The following POLN variants were observed in gnomAD, a reference collection of about 807,000 sequenced individuals.
POLN encodes the protein DNA polymerase N.
Under a neutral mutation model 113.5 loss-of-function variants are expected in POLN, and 108 were observed. The observed-to-expected ratio is 0.95, with a 90% confidence interval of 0.81 to 1.12. The LOEUF is 1.12. Ranked by LOEUF, POLN falls within the 50% of genes most tolerant of loss-of-function variation. The pLI is 0.00. For synonymous variants in POLN, 386 were observed against 391.5 expected, an observed-to-expected ratio of 0.99 and a Z score of 0.17; for missense variants, 1,097 against 1,077.1, an observed-to-expected ratio of 1.02 and a Z score of -0.26.
chr4:2,230,691 C>T (rs912125047), intron 2 of POLN: 1 of 151,900 alleles, frequency 6.6e-6, no homozygotes, highest in East Asian at 1.9e-4. Context: ...ATAAAGACCA[C>T]CCAAAACATG....
intron 7 of POLN, among the ~76,000 whole-genome samples, chr4:2,189,184 T>G (rs926206964): frequency 6.6e-6 from 1 of 151,680 alleles, no homozygotes; most frequent in Non-Finnish European, 1.5e-5. Flanking sequence ...ACCAATAACA[T>G]TGAATGTAAA....
chr4:2,129,809 C>T (rs924324418), intron 17 of POLN, among the ~76,000 whole-genome samples: 4 of 152,120 alleles, frequency 2.6e-5, no homozygotes, highest in South Asian at 4.1e-4. Flanking sequence ...CAAACGTTGA[C>T]AACCAAATGC....
At chr4:2,214,646 T>C (rs1465881075) in intron 3 of POLN, among the ~76,000 whole-genome samples, 1 of 152,108 alleles carries the variant, frequency 6.6e-6, no homozygotes, top group African/African-American at 2.4e-5. Flanking sequence ...GTCTCATGTA[T>C]TGCTGGTAAA....
Position 2,159,009 on chromosome 4 carries a change from G to A in POLN, c.1611+146C>T, listed in dbSNP as rs891821037. The A allele has an allele frequency of 1.7e-5, 12 of 694,064 alleles. No individual in the cohort carries two copies. In the African/African-American group the frequency reaches 1.8e-4, roughly 11 times the overall value. 43.0% of individuals were successfully genotyped at this position (694,064 alleles called of 1,614,324 possible). A position where few individuals can be genotyped will look rare whatever the true frequency, so the allele number is the denominator to read the frequency against. The stretch of plus-strand genomic sequence containing the variant: ...CATGGGGTACAAGTAAACAGTGCCA[G>A]TACAAGGTTAACCTGACAAAACTCT... On this transcript the variant is annotated intron_variant, in intron 14 of 25. Coordinates refer to ENST00000511885, the MANE Select transcript of POLN (RefSeq NM_181808.4).
At chr4:2,201,304 CGAG>C (rs919696230) in intron 5 of POLN, among the ~76,000 whole-genome samples, 1 of 35,338 alleles carries the variant, frequency 2.8e-5, no homozygotes, top group African/African-American at 1.4e-4. Flanking sequence ...AAAAAAAAAA[CGAG>C]GGGAGAAATT....
intron 19 of POLN, among the ~76,000 whole-genome samples, chr4:2,116,069 G>T (rs1192703202): frequency 2.0e-5 from 3 of 152,124 alleles, no homozygotes; most frequent in African/African-American, 7.2e-5. Context: ...GTTTCTCCTG[G>T]TTTTTCTGCC....
rs186038902 is a variant in POLN, at chr4:2,182,532, C to T, written c.1022-3067G>A. ...GAGACTCCAGAAGGAACTGCCAACA[C>T]CTTAATTTGGACTTCCAGCCCCCAG... On this transcript the variant is annotated intron_variant, in intron 7 of 25. Coordinates refer to ENST00000511885, the MANE Select transcript of POLN (RefSeq NM_181808.4). Among the ~76,000 whole-genome samples the T allele has an allele frequency of 4.6e-5, 7 of 152,240 alleles. No individual in the cohort carries two copies. In the East Asian group the frequency reaches 1.2e-3, roughly 25 times the overall value.
intron 3 of POLN, among the ~76,000 whole-genome samples, chr4:2,218,206 C>T (rs1034011): frequency 0.29 from 43,917 of 149,118 alleles, 11,146 homozygotes; most frequent in African/African-American, 0.68. Context: ...CCAAGGCAGG[C>T]GGATCATCTA....
rs764411409 is a variant in POLN at position 2,179,478 on chromosome 4, A to C, written c.1022-13T>G. 6.2e-7 allele frequency: 1 copy of C among 1,610,232 alleles called. No homozygotes were observed. Among genetic ancestry groups the C allele is most frequent in the Non-Finnish European group, 8.5e-7 (1 of 1,178,514 alleles). ...ATAAAATCAGCAACTGAAGAGAAAA[A>C]GGTCATTCAGTCATCCCAAGAAAAA... On this transcript the variant is annotated splice_polypyrimidine_tract_variant and intron_variant, in intron 7 of 25. Transcript: ENST00000511885.
chr4:2,162,056 A>G (rs916577036), intron 13 of POLN, among the ~76,000 whole-genome samples: 7 of 152,194 alleles, frequency 4.6e-5, no homozygotes, highest in Non-Finnish European at 7.3e-5. Context: ...GGATGTGGAT[A>G]GGGCCAGATA....
chr4:2,081,097 A>G, intron 22 of POLN, 61 bp from the exon 23 acceptor site: 1 of 1,611,312 alleles, frequency 6.2e-7, no homozygotes, highest in East Asian at 2.2e-5. Context: ...TGCACTCAGC[A>G]TTCTGCACCA....
intron 4 of POLN, among the ~76,000 whole-genome samples, chr4:2,210,413 TTTACAAAGAA>T (rs1560095024): frequency 6.6e-6 from 1 of 150,578 alleles, no homozygotes; most frequent in Non-Finnish European, 1.5e-5. Flanking sequence ...ACCCTGTCCT[TTTACAAAGAA>T]TACAAAAATT....
chr4:2,174,973 C>G (rs927642317), intron 9 of POLN, among the ~76,000 whole-genome samples: 4 of 152,012 alleles, frequency 2.6e-5, no homozygotes, highest in Non-Finnish European at 5.9e-5. Context: ...CAGGCACCCC[C>G]CACCATGCCA....
intron 19 of POLN, among the ~76,000 whole-genome samples, chr4:2,122,534 G>A (rs1213455949): frequency 1.2e-4 from 19 of 152,028 alleles, no homozygotes; most frequent in Admixed American, 1.2e-3. Flanking sequence ...AGCTCAATGA[G>A]ATACCACTTC....
intron 2 of POLN, chr4:2,238,676 A>G: frequency 6.2e-7 from 1 of 1,613,404 alleles, no homozygotes; most frequent in Non-Finnish European, 8.5e-7. Context: ...TGGATCTGTT[A>G]ACATTTCTAA....
At chr4:2,130,208 T>C (rs1440853697) in intron 17 of POLN, among the ~76,000 whole-genome samples, 1 of 150,134 alleles carries the variant, frequency 6.7e-6, no homozygotes, top group South Asian at 2.1e-4. Context: ...ATCACAACAC[T>C]GCACTCCAGC....
At position 2,128,166 on chromosome 4, in the gene POLN, C is replaced by T; in HGVS notation, c.1929G>A (p.Lys643=). 6.2e-7 allele frequency: 1 copy of T among 1,612,936 alleles called. No homozygotes were observed. The highest frequency in any genetic ancestry group is 8.5e-7 in the Non-Finnish European group (1 of 1,178,986). The change falls in exon 19 of 26, where the codon AAG becomes AAA. Residue 643 remains lysine (K), a synonymous_variant. Coordinates refer to ENST00000511885, the MANE Select transcript of POLN (RefSeq NM_181808.4). ...CATCTCTTTCAGATTCCTGGAATAA[C>T]TTCAGAAGTTCCGGATCTCCAGATA... ...THLSGDPELL[K]LFQESERDDV...
intron 7 of POLN, among the ~76,000 whole-genome samples, chr4:2,192,688 C>A (rs950857838): frequency 6.6e-6 from 1 of 151,912 alleles, no homozygotes; most frequent in Non-Finnish European, 1.5e-5. Context: ...CTATTTTAGG[C>A]CCGGTGCAGT....
At chr4:2,199,062 C>G (rs905896489) in intron 5 of POLN, among the ~76,000 whole-genome samples, 2 of 152,042 alleles carry the variant, frequency 1.3e-5, no homozygotes, top group Non-Finnish European at 2.9e-5. Context: ...AAAAACGAAT[C>G]CTGGAGCTAA....
Sources: allele counts gnomAD v4.1 joint callset (sites outside exome capture counted in the v4.1 genomes callset), GRCh38; gene constraint gnomAD v4.1.1; transcripts MANE v1.5; gene names NCBI Gene and HGNC (gene_info 2026-07-23, HGNC 2026-07-21).